COL9A3: variants seen among roughly 807,000 people sequenced by gnomAD.
The protein encoded by COL9A3 is collagen type IX alpha 3 chain.
In COL9A3, 82 loss-of-function variants were observed where a neutral mutation model predicts 110.2. The ratio of observed to expected loss-of-function variants is 0.74; its 90% CI spans 0.62 to 0.89. The LOEUF (loss-of-function observed/expected upper bound fraction) is 0.89, where lower values mean the gene tolerates loss of function less well. COL9A3 is among the 40% of genes least tolerant of loss of function. The pLI is 0.00. For missense variants in COL9A3, 1,066 were observed against 981.3 expected, an observed-to-expected ratio of 1.09 and a Z score of -1.15; for synonymous variants, 494 against 403.8, an observed-to-expected ratio of 1.22 and a Z score of -2.68.
intron 25 of COL9A3, 39 bp from the exon 26 acceptor site, chr20:62,832,981 A>G: frequency 6.2e-7 from 1 of 1,600,880 alleles, no homozygotes; most frequent in Admixed American, 1.7e-5. Context: ...CTACTCATGC[A>G]TGAACAGCTC....
Position 62,817,126 on chromosome 20 carries a change from C to A in COL9A3, c.62C>A (p.Ala21Glu). ...CTGCTCCTGCTCGGGGAGCTTCTGG[C>A]GGCCGCCGGGGCGCAGGTGAGCGCG... Reference protein sequence around the residue: ...LLLLLLGELLAAAGAQRVGLP... With the variant: ...LLLLLLGELLEAAGAQRVGLP... Residue 21 changes from alanine to glutamate, a missense_variant, in exon 1 of 32, where the codon GCG (alanine) becomes GAG (glutamate). Transcript: ENST00000649368. The A allele has an allele frequency of 1.4e-6, 2 of 1,397,156 alleles. No homozygotes were observed. The highest frequency in any genetic ancestry group is 1.4e-5 in the South Asian group (1 of 71,074). The allele number at this position is 1,397,156 out of a possible 1,614,324, so 86.5% of individuals were successfully genotyped here.
At position 62,840,933 on chromosome 20, in the gene COL9A3, C is replaced by CTAAT. The variant is rs1189636389; in HGVS notation, c.*202_*205dup. On this transcript the variant is annotated 3_prime_UTR_variant, in exon 32 of 32. Transcript: ENST00000649368. Reference sequence around the variant, plus strand: ...GACAGCATACCTCAAAAGGCCCTAGCTAATAAACCTGTAAGCCCAGCATTT... The same window carrying CTAAT: ...GACAGCATACCTCAAAAGGCCCTAGCTAATTAATAAACCTGTAAGCCCAGCATTT... 5 of 604,350 alleles carry CTAAT rather than the reference C, an allele frequency of 8.3e-6. No individual in the cohort carries two copies. In the African/African-American group the frequency reaches 9.3e-5, roughly 11 times the overall value. 37.4% of individuals were successfully genotyped at this position (604,350 alleles called of 1,614,324 possible).
Position 62,840,790 on chromosome 20 carries a change from A to C in COL9A3, c.*58A>C. ...CCCGAAGCACAGTGGACGGTCATGA[A>C]GGAGCGGGGGTGTGGCAGGCGGGTG... On this transcript the variant is annotated 3_prime_UTR_variant, in exon 32 of 32. Transcript: ENST00000649368. 1 of 1,541,978 alleles carries C rather than the reference A, an allele frequency of 6.5e-7. No individual in the cohort carries two copies. The highest frequency in any genetic ancestry group is 1.2e-5 in the South Asian group (1 of 83,738).
chr20:62,818,088 A>T (rs568589257), intron 2 of COL9A3, among the ~76,000 whole-genome samples: 1 of 152,238 alleles, frequency 6.6e-6, no homozygotes, highest in African/African-American at 2.4e-5. Flanking sequence ...TGGGCCAAGC[A>T]GCAGGAGGAG....
At position 62,820,040 on chromosome 20, in the gene COL9A3, C is replaced by G. The variant is rs1991068448; in HGVS notation, c.309+58C>G. On this transcript the variant is annotated intron_variant, in intron 5 of 31. Coordinates refer to ENST00000649368, the MANE Select transcript of COL9A3 (RefSeq NM_001853.4). The stretch of plus-strand genomic sequence containing the variant: ...TTCAGAGGTGAGGTCCCCTGGCCAC[C>G]TCTGGCTGCTCTGTGTCCACAAGGC... 3.2e-6 allele frequency: 5 copies of G among 1,569,188 alleles called. No homozygotes were observed. In the Admixed American group the frequency reaches 5.0e-5, roughly 16 times the overall value.
rs1466497206 is a variant in COL9A3 at position 62,840,948 on chromosome 20, G to T, written c.*216G>T. On this transcript the variant is annotated 3_prime_UTR_variant, in exon 32 of 32. Coordinates refer to ENST00000649368, the MANE Select transcript of COL9A3 (RefSeq NM_001853.4). ...AAGGCCCTAGCTAATAAACCTGTAAGCCCAGCATTTGAGAGAAGGTAGGGT... is the reference window on the plus strand; with the variant it reads ...AAGGCCCTAGCTAATAAACCTGTAATCCCAGCATTTGAGAGAAGGTAGGGT... 1.2e-5 allele frequency: 7 copies of T among 583,602 alleles called. No homozygotes were observed. Among genetic ancestry groups the T allele is most frequent in the African/African-American group, 1.9e-5 (1 of 53,218 alleles). 36.2% of individuals were successfully genotyped at this position (583,602 alleles called of 1,614,324 possible).
chr20:62,827,478 C>G (rs1277584168), intron 16 of COL9A3, among the ~76,000 whole-genome samples, 184 bp downstream of exon 16: 1 of 152,156 alleles, frequency 6.6e-6, no homozygotes, highest in African/African-American at 2.4e-5. Flanking sequence ...TGGCCCCAGC[C>G]GTTCTCCCAG....
rs544219494 is a variant in COL9A3 at position 62,833,279 on chromosome 20, C to A, written c.1368+215C>A. Among the ~76,000 whole-genome samples, 141 of 152,372 alleles carry A rather than the reference C, an allele frequency of 9.3e-4. 1 individual carries two copies. Among genetic ancestry groups the A allele is most frequent in the Non-Finnish European group, 1.6e-3 (109 of 68,036 alleles). On this transcript the variant is annotated intron_variant, in intron 26 of 31. Coordinates refer to ENST00000649368, the MANE Select transcript of COL9A3 (RefSeq NM_001853.4). ...GGCAGGGCCTGGCAGGGAAACTCAG[C>A]GGCTCTGGAGTCTGACCTGACCCGG...
intron 12 of COL9A3, chr20:62,825,365 G>T: frequency 3.0e-6 from 1 of 331,254 alleles, no homozygotes; most frequent in South Asian, 3.8e-5. Flanking sequence ...TCTGTGGCCG[G>T]GGCGAGGGGC....
chr20:62,836,125 C>T (rs1299350322), intron 27 of COL9A3, 62 bp from the exon 28 acceptor site: 25 of 1,602,518 alleles, frequency 1.6e-5, no homozygotes, highest in East Asian at 4.5e-5. Context: ...GGAAAGAGCA[C>T]GTCGGGGTGG....
chr20:62,837,272 G>T lies in COL9A3; in HGVS notation c.1786+7G>T, dbSNP rs1390054512. 1.2e-6 allele frequency: 2 copies of T among 1,608,494 alleles called. No homozygotes were observed. The highest frequency in any genetic ancestry group is 2.2e-5 in the South Asian group (2 of 91,074). On this transcript the variant is annotated splice_region_variant and intron_variant, in intron 30 of 31. Transcript: ENST00000649368. ...GGAGACCCCGGGCCCAGAGGTGAGT[G>T]TTTGACCCCATGACACGGTCACCCT...
intron 6 of COL9A3, 125 bp from the exon 7 acceptor site, chr20:62,821,382 C>T: frequency 1.4e-6 from 2 of 1,411,538 alleles, no homozygotes; most frequent in Non-Finnish European, 2.0e-6. Flanking sequence ...CCTCTCTGGG[C>T]TGGGACCAGA....
At chr20:62,830,166 T>TGCCTG (rs2147216548) in intron 22 of COL9A3, among the ~76,000 whole-genome samples, 194 bp from the exon 23 acceptor site, 1 of 152,182 alleles carries the variant, frequency 6.6e-6, no homozygotes, top group Non-Finnish European at 1.5e-5. Context: ...GTCCAGGGTA[T>TGCCTG]GCCTGAGTTC....
intron 5 of COL9A3, among the ~76,000 whole-genome samples, chr20:62,820,333 G>A (rs1173539712): frequency 6.6e-6 from 1 of 151,854 alleles, no homozygotes. Context: ...GCAGCCTGCA[G>A]AGTCCCCTGT....
chr20:62,818,093 G>A (rs1990995091), intron 2 of COL9A3, among the ~76,000 whole-genome samples: 2 of 152,124 alleles, frequency 1.3e-5, no homozygotes, highest in South Asian at 2.1e-4. Context: ...CAAGCAGCAG[G>A]AGGAGGCGGC....
Position 62,836,490 on chromosome 20 carries a change from A to G in COL9A3, c.1561A>G (p.Ser521Gly), listed in dbSNP as rs140686800. ...GGGTGAATTCCAGGGGAAGGAGGCC[A>G]GCGAGCAGCGCATCAGGGAGCTGTG... ...GKPGVPGKEA[S>G]EQRIRELCGG... Residue 521 changes from serine (S) to glycine (G), a missense_variant, in exon 29 of 32, where the codon AGC becomes GGC. Physicochemically the swap from Ser to Gly is moderately conservative, Grantham distance 56. Transcript: ENST00000649368. 1.4e-3 allele frequency: 2,314 copies of G among 1,613,642 alleles called. 26 individuals carry two copies. Among genetic ancestry groups the G allele is most frequent in the South Asian group, 0.013 (1,212 of 91,004 alleles).
intron 9 of COL9A3, 38 bp downstream of exon 9, chr20:62,822,202 T>C (rs765739285): frequency 8.3e-7 from 1 of 1,210,726 alleles, no homozygotes; most frequent in Non-Finnish European, 1.2e-6. Context: ...GTGCTGGGCA[T>C]GGACTAGGAC....
intron 31 of COL9A3, among the ~76,000 whole-genome samples, chr20:62,840,122 A>AC (rs1291055712): frequency 6.6e-6 from 1 of 150,400 alleles, no homozygotes; most frequent in Non-Finnish European, 1.5e-5. Flanking sequence ...GGGCTCTGAC[A>AC]CCCCCCACTT....
At chr20:62,839,759 C>T (rs1348805157) in intron 31 of COL9A3, among the ~76,000 whole-genome samples, 4 of 134,900 alleles carry the variant, frequency 3.0e-5, no homozygotes, top group African/African-American at 1.2e-4. Flanking sequence ...CCTCTCCTCT[C>T]CTCCACCCAC....
Sources: allele counts gnomAD v4.1 joint callset (sites outside exome capture counted in the v4.1 genomes callset), GRCh38; gene constraint gnomAD v4.1.1; transcripts MANE v1.5; gene names NCBI Gene and HGNC (gene_info 2026-07-23, HGNC 2026-07-21).